The following CARMIL1 variants were observed in gnomAD, a reference collection of about 807,000 sequenced individuals.
The protein encoded by CARMIL1 is F-actin-uncapping protein LRRC16A.
CARMIL1 carries 90 observed loss-of-function variants against 177.1 expected under a neutral mutation model. The ratio of observed to expected loss-of-function variants is 0.51; its 90% CI spans 0.43 to 0.61. The LOEUF (loss-of-function observed/expected upper bound fraction) is 0.61, where lower values mean the gene tolerates loss of function less well. Among genes scored for constraint, CARMIL1 ranks in the 20% least tolerant of loss-of-function variants. The pLI, the probability that CARMIL1 is intolerant of heterozygous loss-of-function variation, is 0.00. For synonymous variants in CARMIL1, 577 were observed against 606.2 expected (o/e 0.95, Z 0.71); for missense variants, 1,380 against 1,667.0 (o/e 0.83, Z 3.00).
At position 25,354,330 on chromosome 6, in the gene CARMIL1, ATTTTTTTTTTTT is replaced by A. The variant is rs67395838; in HGVS notation, c.139-65766_139-65755del. Among the ~76,000 whole-genome samples the A allele has an allele frequency of 8.2e-3, 663 of 80,666 alleles. 6 individuals carry two copies. Among genetic ancestry groups the A allele is most frequent in the African/African-American group, 0.019 (402 of 20,882 alleles). 52.9% of individuals were successfully genotyped at this position (80,666 alleles called of 152,430 possible). A position where few individuals can be genotyped will look rare whatever the true frequency, so the allele number is the denominator to read the frequency against. On this transcript the variant is annotated intron_variant, in intron 2 of 36. Coordinates refer to ENST00000329474, the MANE Select transcript of CARMIL1 (RefSeq NM_017640.6). ...CGTAGCACCACACTTGACTAATTAAATTTTTTTTTTTTTTTTTTTTTTTTTTTTTGTGGAGAC... is the reference window on the plus strand; with the variant it reads ...CGTAGCACCACACTTGACTAATTAAATTTTTTTTTTTTTTTTTGTGGAGAC...
chr6:25,281,136 G>GCACACACACACACACACACA, intron 1 of CARMIL1, among the ~76,000 whole-genome samples: 1 of 132,100 alleles, frequency 7.6e-6, no homozygotes, highest in East Asian at 2.4e-4. Flanking sequence ...GTGCGCGCGC[G>GCACACACACACACACACACA]CACACACACA....
chr6:25,466,024 C>T, intron 9 of CARMIL1, 76 bp downstream of exon 9: 1 of 1,068,446 alleles, frequency 9.4e-7, no homozygotes, highest in Non-Finnish European at 1.5e-6. Context: ...GGGAAAAAAA[C>T]AATTTTTTTA....
chr6:25,458,252 A>G (rs960432602), intron 8 of CARMIL1, among the ~76,000 whole-genome samples: 2 of 152,144 alleles, frequency 1.3e-5, no homozygotes, highest in Non-Finnish European at 2.9e-5. Context: ...ACATATTAGC[A>G]GTTTATTTTT....
chr6:25,540,850 T>C (rs1262056893), intron 26 of CARMIL1, among the ~76,000 whole-genome samples: 6 of 152,252 alleles, frequency 3.9e-5, no homozygotes, highest in Non-Finnish European at 7.3e-5. Flanking sequence ...CTTTGCAGCA[T>C]GTTAATTACT....
chr6:25,298,560 A>G (rs779601726), intron 2 of CARMIL1, among the ~76,000 whole-genome samples: 2 of 152,140 alleles, frequency 1.3e-5, no homozygotes, highest in Non-Finnish European at 2.9e-5. Context: ...TCTTGCTTTC[A>G]TTGCAGATCT....
chr6:25,421,931 T>G, intron 3 of CARMIL1, among the ~76,000 whole-genome samples: 1 of 149,876 alleles, frequency 6.7e-6, no homozygotes, highest in African/African-American at 2.5e-5. Flanking sequence ...AATGACGAGT[T>G]AATGGGTGCA....
chr6:25,322,839 A>C (rs1166658051), intron 2 of CARMIL1, among the ~76,000 whole-genome samples: 2 of 152,168 alleles, frequency 1.3e-5, no homozygotes, highest in Non-Finnish European at 1.5e-5. Flanking sequence ...GGACTGATTC[A>C]AGTGTGAAGC....
At position 25,279,682 on chromosome 6, in the gene CARMIL1, C is replaced by T; in HGVS notation, c.-114C>T. 1 of 962,946 alleles carries T rather than the reference C, an allele frequency of 1.0e-6. No homozygotes were observed. 59.7% of individuals were successfully genotyped at this position (962,946 alleles called of 1,614,324 possible). ...TCTCCGCCCCCCCTTTTCTTGCCCA[C>T]TTCCATTTGCAAGCTGCATCTGCCT... On this transcript the variant is annotated 5_prime_UTR_variant, in exon 1 of 37. Coordinates refer to ENST00000329474, the MANE Select transcript of CARMIL1 (RefSeq NM_017640.6).
In CARMIL1 at chr6:25,619,556, A is replaced by G. The variant is rs3747524; in HGVS notation, c.4089A>G (p.Glu1363=). Residue 1363 remains glutamate (E), a synonymous_variant, in exon 37 of 37, where the codon GAA becomes GAG. Coordinates refer to ENST00000329474, the MANE Select transcript of CARMIL1 (RefSeq NM_017640.6). ...QGSKSNDSGE[E]AEKEFIFV ...GCAAATCTAATGACTCCGGGGAAGA[A>G]GCAGAAAAAGAGTTTATTTTTGTGT... 52 of 1,613,862 alleles carry G rather than the reference A, an allele frequency of 3.2e-5. No individual in the cohort carries two copies. In the East Asian group the frequency reaches 1.1e-3, roughly 34 times the overall value.
chr6:25,598,821 T>G (rs897103994), intron 32 of CARMIL1, among the ~76,000 whole-genome samples: 1 of 152,194 alleles, frequency 6.6e-6, no homozygotes, highest in African/African-American at 2.4e-5. Context: ...AGGGTGGTCT[T>G]CCTGGACCAT....
chr6:25,406,379 T>C (rs1354277357), intron 2 of CARMIL1, among the ~76,000 whole-genome samples: 2 of 151,846 alleles, frequency 1.3e-5, no homozygotes, highest in African/African-American at 4.8e-5. Flanking sequence ...AGGCTGGAGG[T>C]GGAGGCAGGG....
rs1291825771 is a variant in CARMIL1 at position 25,540,088 on chromosome 6, G to A, written c.2328+10G>A. Reference sequence around the variant, plus strand: ...AGATGAACAACTAAAGGTTTGTGGGGTTTGTTATTTGGGAAATGAAATTGT... The same window carrying A: ...AGATGAACAACTAAAGGTTTGTGGGATTTGTTATTTGGGAAATGAAATTGT... On this transcript the variant is annotated intron_variant, in intron 26 of 36. Transcript: ENST00000329474. 6.3e-7 allele frequency: 1 copy of A among 1,575,984 alleles called. No individual in the cohort carries two copies. The highest frequency in any genetic ancestry group is 2.0e-5 in the Admixed American group (1 of 50,576).
In CARMIL1 at chr6:25,600,665, G is replaced by A. The variant is rs760978445; in HGVS notation, c.3471G>A (p.Arg1157=). The change falls in exon 33 of 37, where the codon AGG becomes AGA. Residue 1157 remains arginine, a synonymous_variant. Transcript: ENST00000329474. ...DSKSSPQAGR[R]YGVQVMGSGL... ...AGAGCAGCCCACAGGCAGGGCGGAG[G>A]TATGGGGTCCAGGTGATGGGCAGTG... is the stretch of plus-strand genomic sequence containing the variant. 1.2e-6 allele frequency: 2 copies of A among 1,611,874 alleles called. No homozygotes were observed. Among genetic ancestry groups the A allele is most frequent in the Non-Finnish European group, 1.7e-6 (2 of 1,178,872 alleles).
chr6:25,310,139 G>GCA (rs1278498920), intron 2 of CARMIL1, among the ~76,000 whole-genome samples: 1 of 152,094 alleles, frequency 6.6e-6, no homozygotes, highest in African/African-American at 2.4e-5. Flanking sequence ...TGTGAGTAAT[G>GCA]CTCTTATGAG....
intron 36 of CARMIL1, chr6:25,612,925 C>T (rs905666131): frequency 1.3e-5 from 13 of 984,058 alleles, no homozygotes; most frequent in African/African-American, 1.7e-5. Context: ...TGACCCGAAG[C>T]TTATGAACTG....
chr6:25,563,614 C>G (rs1811319356), intron 29 of CARMIL1: 1 of 985,310 alleles, frequency 1.0e-6, no homozygotes, highest in Non-Finnish European at 1.2e-6. Context: ...TCCCTTAAGC[C>G]ATGCATAGGC....
chr6:25,618,656 C>T (rs973359916), intron 36 of CARMIL1, among the ~76,000 whole-genome samples: 3 of 152,068 alleles, frequency 2.0e-5, no homozygotes, highest in Non-Finnish European at 4.4e-5. Context: ...TGAGGAATAG[C>T]GATAATAAAA....
chr6:25,364,145 A>G (rs1043514014), intron 2 of CARMIL1, among the ~76,000 whole-genome samples: 4 of 151,786 alleles, frequency 2.6e-5, no homozygotes, highest in African/African-American at 9.7e-5. Context: ...GGGTCTCACT[A>G]TGTTGCCTCG....
At chr6:25,452,655 C>A (rs1202595517) in intron 8 of CARMIL1, 2 of 153,202 alleles carry the variant, frequency 1.3e-5, no homozygotes, top group African/African-American at 4.8e-5. Flanking sequence ...AATAAATCAG[C>A]AAGAAGAGTG....
Sources: gnomAD v4.1 joint callset for allele counts (sites outside exome capture counted in the v4.1 genomes callset) on GRCh38, gnomAD v4.1.1 for gene constraint, MANE v1.5 for transcripts, NCBI Gene and HGNC (gene_info 2026-07-23, HGNC 2026-07-21) for gene names.